Variants in ADA2 observed in about 807,000 individuals in gnomAD.
ADA2 encodes the protein adenosine deaminase CECR1.
ADA2 carries 29 observed loss-of-function variants against 44.2 expected under a neutral mutation model. That is an observed-to-expected ratio of 0.66 (90% CI 0.49 to 0.89). The LOEUF is 0.89. Ranked by LOEUF, ADA2 falls within the 40% of genes least tolerant of loss-of-function variation. ADA2 has a pLI of 0.00. For missense variants in ADA2, 637 were observed against 644.8 expected (o/e 0.99, Z 0.13); for synonymous variants, 215 against 234.9 (o/e 0.92, Z 0.77).
intron 4 of ADA2, among the ~76,000 whole-genome samples, chr22:17,195,923 A>G (rs2062184954): frequency 6.6e-6 from 1 of 151,360 alleles, no homozygotes; most frequent in South Asian, 2.1e-4. Flanking sequence ...ATTTTTTTGT[A>G]TTTCTGGTAG....
intron 6 of ADA2, among the ~76,000 whole-genome samples, chr22:17,188,882 T>TATATATATATATATATAC (rs2062077867): frequency 2.3e-5 from 1 of 42,876 alleles, no homozygotes; most frequent in African/African-American, 6.5e-5. Flanking sequence ...TATATATATA[T>TATATATATATATATATAC]ATATTTTGTA....
At chr22:17,189,829 A>G in intron 6 of ADA2, 113 bp downstream of exon 6, 1 of 725,288 alleles carries the variant, frequency 1.4e-6, no homozygotes, top group Non-Finnish European at 2.4e-6. Context: ...CTGGGATGTC[A>G]GGGTACCAAC....
rs199684150 is a variant in ADA2 at position 17,210,607 on chromosome 22, G to GT, written c.-46-885dup. Among the ~76,000 whole-genome samples the GT allele has an allele frequency of 3.0e-3, 459 of 151,348 alleles. 4 individuals carry two copies. Among genetic ancestry groups the GT allele is most frequent in the African/African-American group, 9.2e-3 (381 of 41,236 alleles). On this transcript the variant is annotated intron_variant, in intron 1 of 9. Coordinates refer to ENST00000399837, the MANE Select transcript of ADA2 (RefSeq NM_001282225.2). ...TTTTATTTTATTTATTTTAATTTTTGTTTTTTTTAAGACAGAGTCTTGCTC... is the reference window on the plus strand; with the variant it reads ...TTTTATTTTATTTATTTTAATTTTTGTTTTTTTTTAAGACAGAGTCTTGCTC...
chr22:17,184,692 C>T (rs1385275437), intron 7 of ADA2, among the ~76,000 whole-genome samples: 1 of 151,488 alleles, frequency 6.6e-6, no homozygotes, highest in Non-Finnish European at 1.5e-5. Context: ...CTTTGGGAGG[C>T]TGAGGCAGGA....
intron 1 of ADA2, chr22:17,214,039 CAAAAAAAA>C (rs35502604): frequency 3.5e-5 from 10 of 284,066 alleles, no homozygotes; most frequent in East Asian, 1.1e-4. Context: ...AACTCTGTCT[CAAAAAAAA>C]AAAAAAAAAA....
intron 3 of ADA2, among the ~76,000 whole-genome samples, chr22:17,205,397 A>G (rs1288284373): frequency 6.6e-6 from 1 of 152,088 alleles, no homozygotes; most frequent in Non-Finnish European, 1.5e-5. Context: ...TACAGGCATG[A>G]CCCAGTGTGC....
chr22:17,199,425 C>A, intron 4 of ADA2: 1 of 978,640 alleles, frequency 1.0e-6, no homozygotes, highest in Non-Finnish European at 1.6e-6. Flanking sequence ...CTCCTCCCTC[C>A]CCTCCTCTAT....
chr22:17,195,866 G>A (rs1341735793), intron 4 of ADA2, among the ~76,000 whole-genome samples: 1 of 150,526 alleles, frequency 6.6e-6, no homozygotes, highest in Non-Finnish European at 1.5e-5. Context: ...GTTCAAGCAC[G>A]ACTCCCGAGT....
chr22:17,204,427 G>A (rs568816688), intron 3 of ADA2, among the ~76,000 whole-genome samples: 2 of 152,208 alleles, frequency 1.3e-5, no homozygotes, highest in South Asian at 2.1e-4. Context: ...GATCAGCCTG[G>A]CCAACATAGT....
At chr22:17,216,538 A>G (rs5747025) in intron 1 of ADA2, among the ~76,000 whole-genome samples, 64,171 of 151,910 alleles carry the variant, frequency 0.42, 14,173 homozygotes, top group East Asian at 0.75. Context: ...AGGCCGAGGC[A>G]GGTGGATCAC....
rs780459163 is a variant in ADA2, at chr22:17,181,545, T to C, written c.1474A>G (p.Thr492Ala). The C allele has an allele frequency of 1.5e-5, 25 of 1,613,194 alleles. No homozygotes were observed. In the African/African-American group the frequency reaches 3.2e-4, roughly 21 times the overall value. ...YSTLLESEKN[T>A]FMEIWKKRWD... is the part of the protein sequence containing the mutation. ...CTCTTCTTCCAGATTTCCATGAAAG[T>C]ATTTTTCTCACTCTCCAACAGGGTA... The change falls in exon 10 of 10, where the codon ACT becomes GCT. Residue 492 changes from threonine (T) to alanine (A), a missense_variant. Thr to Ala is a moderately conservative substitution (Grantham distance 58). Coordinates refer to ENST00000399837, the MANE Select transcript of ADA2 (RefSeq NM_001282225.2).
chr22:17,199,416 T>TCCTCTCTCCCCTCCTCTATCCTCTTCC, intron 4 of ADA2: 4 of 429,648 alleles, frequency 9.3e-6, no homozygotes, highest in East Asian at 3.9e-5. Context: ...TCTCAGCGTC[T>TCCTCTCTCCCCTCCTCTATCCTCTTCC]CCTCCCTCCC....
chr22:17,193,358 C>CAAAAAAAAAAAA (rs71200244), intron 4 of ADA2: 1 of 64,164 alleles, frequency 1.6e-5, no homozygotes, highest in Admixed American at 2.8e-4. Flanking sequence ...GTAAAAACTG[C>CAAAAAAAAAAAA]AAAAAAAAAA....
chr22:17,187,501 G>A (rs1323333479), intron 7 of ADA2, among the ~76,000 whole-genome samples: 1 of 151,392 alleles, frequency 6.6e-6, no homozygotes, highest in Non-Finnish European at 1.5e-5. Context: ...TGTTGCCCTG[G>A]CTGGCCTCAA....
At chr22:17,200,776 A>G (rs746690411) in intron 4 of ADA2, among the ~76,000 whole-genome samples, 11 of 151,864 alleles carry the variant, frequency 7.2e-5, no homozygotes, top group Admixed American at 5.9e-4. Context: ...CAGCTATTCC[A>G]GAGGCTGAGG....
At position 17,181,407 on chromosome 22, in the gene ADA2, G is replaced by T; in HGVS notation, c.*76C>A. On this transcript the variant is annotated 3_prime_UTR_variant, in exon 10 of 10. Coordinates refer to ENST00000399837, the MANE Select transcript of ADA2 (RefSeq NM_001282225.2). ...GCCATTGATTTCATGGGCACATGGA[G>T]CTGATTCAAGAACGAGTGAGAGGAA... 1.0e-6 allele frequency: 1 copy of T among 984,234 alleles called. No homozygotes were observed. 61.0% of individuals were successfully genotyped at this position (984,234 alleles called of 1,614,324 possible).
intron 1 of ADA2, among the ~76,000 whole-genome samples, chr22:17,210,191 CA>C (rs1256741102): frequency 1.7e-5 from 2 of 120,368 alleles, no homozygotes; most frequent in African/African-American, 6.3e-5. Context: ...CACCACCTGG[CA>C]TTTTTTTTTT....
chr22:17,192,984 T>C, intron 4 of ADA2: 1 of 628,862 alleles, frequency 1.6e-6, no homozygotes. Context: ...GTCTGACCAA[T>C]ACGTCAAAAT....
chr22:17,193,292 G>C (rs751910428), intron 4 of ADA2: 2 of 643,940 alleles, frequency 3.1e-6, no homozygotes, highest in Non-Finnish European at 5.6e-6. Flanking sequence ...GCCAGGCTGC[G>C]CAGCAAAGAA....
Sources: gnomAD v4.1 joint callset for allele counts (sites outside exome capture counted in the v4.1 genomes callset) on GRCh38, gnomAD v4.1.1 for gene constraint, MANE v1.5 for transcripts, NCBI Gene and HGNC (gene_info 2026-07-23, HGNC 2026-07-21) for gene names.